LRP1B: variants seen among roughly 807,000 people sequenced by gnomAD.
The protein encoded by LRP1B is low-density lipoprotein receptor-related protein 1B.
A neutral mutation model predicts 556.6 loss-of-function variants in LRP1B; 217 were observed. The observed-to-expected ratio is 0.39, with a 90% CI of 0.35 to 0.44. The LOEUF is 0.44. LRP1B is among the 20% of genes least tolerant of loss of function. The probability of loss-of-function intolerance (pLI) is 1.00; values close to 1 mark genes in which losing one functional copy is unlikely to be tolerated. For synonymous variants in LRP1B, 2,047 were observed against 1,865.8 expected (o/e 1.10, Z -2.50); for missense variants, 5,053 against 5,620.8 (o/e 0.90, Z 3.23).
chr2:140,541,832 T>G lies in LRP1B; in HGVS notation c.7334A>C (p.Asp2445Ala). Reference protein sequence around the residue: ...TGGDTKILRSDIPHQPMGIIA... With the variant: ...TGGDTKILRSAIPHQPMGIIA... Reference sequence around the variant, plus strand: ...GATTCCCATTGGCTGATGTGGAATATCGGAACGAAGAATTTTTGTATCTCC... The same window carrying G: ...GATTCCCATTGGCTGATGTGGAATAGCGGAACGAAGAATTTTTGTATCTCC... The change falls in exon 44 of 91, where the codon GAT (aspartate) becomes GCT (alanine). Residue 2445 changes from aspartate (D) to alanine (A), a missense_variant. By Grantham distance (126) the Asp-to-Ala change is moderately radical (BLOSUM62 -2). Coordinates refer to ENST00000389484, the MANE Select transcript of LRP1B (RefSeq NM_018557.3). 6.2e-7 allele frequency: 1 copy of G among 1,612,772 alleles called. No individual in the cohort carries two copies. The highest frequency in any genetic ancestry group is 8.5e-7 in the Non-Finnish European group (1 of 1,179,126).
intron 3 of LRP1B, among the ~76,000 whole-genome samples, chr2:141,373,012 C>G (rs1689289258): frequency 6.6e-6 from 1 of 152,000 alleles, no homozygotes; most frequent in South Asian, 2.1e-4. Flanking sequence ...TTGCTATAAA[C>G]TTAGCACTAG....
chr2:140,361,090 C>A (rs553714766), intron 72 of LRP1B, among the ~76,000 whole-genome samples: 10 of 150,946 alleles, frequency 6.6e-5, no homozygotes, highest in African/African-American at 2.2e-4. Flanking sequence ...TTTATAGTAA[C>A]CTATAATATG....
intron 4 of LRP1B, among the ~76,000 whole-genome samples, chr2:141,254,144 A>G (rs1216593535): frequency 1.3e-5 from 2 of 152,156 alleles, no homozygotes; most frequent in Non-Finnish European, 2.9e-5. Flanking sequence ...TGCAAAAATT[A>G]TAAAGAACAT....
intron 1 of LRP1B, among the ~76,000 whole-genome samples, chr2:142,124,840 T>C (rs1374687002): frequency 6.6e-6 from 1 of 151,856 alleles, no homozygotes; most frequent in African/African-American, 2.4e-5. Flanking sequence ...TTGTTGTTAT[T>C]GTTTCTTCAT....
chr2:140,632,449 T>A (rs1292852028), intron 41 of LRP1B, among the ~76,000 whole-genome samples: 1 of 152,072 alleles, frequency 6.6e-6, no homozygotes, highest in Non-Finnish European at 1.5e-5. Context: ...TGACCTTAGA[T>A]TAATTGTAAA....
intron 43 of LRP1B, among the ~76,000 whole-genome samples, chr2:140,556,192 C>T (rs1216586557): frequency 2.0e-5 from 3 of 152,068 alleles, no homozygotes; most frequent in African/African-American, 7.2e-5. Flanking sequence ...CTGACCTTCT[C>T]TCTCCTTTCT....
intron 1 of LRP1B, among the ~76,000 whole-genome samples, chr2:141,889,167 A>C (rs779679618): frequency 2.0e-5 from 3 of 152,082 alleles, no homozygotes; most frequent in Non-Finnish European, 4.4e-5. Flanking sequence ...CACTCTACAT[A>C]ATAATGCTTA....
intron 3 of LRP1B, among the ~76,000 whole-genome samples, chr2:141,326,574 A>C (rs1687437952): frequency 6.6e-6 from 1 of 152,160 alleles, no homozygotes; most frequent in African/African-American, 2.4e-5. Context: ...GTGGTTCCCA[A>C]CCGATGAAGA....
intron 2 of LRP1B, among the ~76,000 whole-genome samples, chr2:141,723,353 ATAATT>A (rs973248347): frequency 1.3e-5 from 2 of 149,760 alleles, no homozygotes; most frequent in African/African-American, 4.9e-5. Context: ...AGGCTTTAAT[ATAATT>A]TAATATATAT....
rs373501608 is a variant in LRP1B at position 140,400,604 on chromosome 2, G to A, written c.10415-14595C>T. 2.1e-4 allele frequency among the ~76,000 whole-genome samples: 32 copies of A among 152,252 alleles called. 1 individual carries two copies. The South Asian group carries it at 6.6e-3, about 32-fold the overall frequency. On this transcript the variant is annotated intron_variant, in intron 66 of 90. Coordinates refer to ENST00000389484, the MANE Select transcript of LRP1B (RefSeq NM_018557.3). Reference sequence around the variant, plus strand: ...TTTATTCAACAATCATGCATTGAAGGTGGCAGACTGGAAGCAGTGCTAGCA... The same window carrying A: ...TTTATTCAACAATCATGCATTGAAGATGGCAGACTGGAAGCAGTGCTAGCA...
chr2:141,623,044 C>T lies in LRP1B; in HGVS notation c.206-142511G>A, dbSNP rs115349505. Among the ~76,000 whole-genome samples, 719 of 152,200 alleles carry T rather than the reference C, an allele frequency of 4.7e-3. 9 individuals are homozygous for T. The highest frequency in any genetic ancestry group is 0.017 in the African/African-American group (690 of 41,518). ...GACATCAACTTGTCCTTGAAGACTA[C>T]GGCAAGTCCAGCTGGAATTGGCTAA... is the stretch of plus-strand genomic sequence containing the variant. On this transcript the variant is annotated intron_variant, in intron 2 of 90. Transcript: ENST00000389484.
intron 3 of LRP1B, among the ~76,000 whole-genome samples, chr2:141,265,980 A>G (rs1359864103): frequency 2.0e-5 from 3 of 152,194 alleles, no homozygotes; most frequent in Non-Finnish European, 4.4e-5. Context: ...TCTCACCAAT[A>G]GAACATGAGT....
At chr2:141,526,598 T>C (rs1684700179) in intron 2 of LRP1B, among the ~76,000 whole-genome samples, 1 of 152,016 alleles carries the variant, frequency 6.6e-6, no homozygotes, top group Non-Finnish European at 1.5e-5. Flanking sequence ...CAAGTGACTA[T>C]TATAACCTTA....
chr2:140,498,173 T>C (rs933861546), intron 55 of LRP1B, among the ~76,000 whole-genome samples: 1 of 151,864 alleles, frequency 6.6e-6, no homozygotes, highest in Admixed American at 6.6e-5. Flanking sequence ...AAGTGAGAAT[T>C]ATATGTATTC....
intron 41 of LRP1B, among the ~76,000 whole-genome samples, chr2:140,643,712 T>G (rs1684382143): frequency 2.0e-5 from 3 of 152,154 alleles, no homozygotes; most frequent in Non-Finnish European, 4.4e-5. Flanking sequence ...AAGAAAGTCA[T>G]CAAAATCAAA....
chr2:141,333,052 C>T (rs1233533037), intron 3 of LRP1B, among the ~76,000 whole-genome samples: 1 of 151,964 alleles, frequency 6.6e-6, no homozygotes, highest in African/African-American at 2.4e-5. Flanking sequence ...TCAACAAAAG[C>T]CCACAAATAT....
rs550669243 is a variant in LRP1B at position 141,879,096 on chromosome 2, A to G, written c.83-68695T>C. Reference sequence around the variant, plus strand: ...AGTTCTTTCAATATAATTATGATAAATCAAAATATATTTATTTACATGCAT... The same window carrying G: ...AGTTCTTTCAATATAATTATGATAAGTCAAAATATATTTATTTACATGCAT... On this transcript the variant is annotated intron_variant, in intron 1 of 90. Coordinates refer to ENST00000389484, the MANE Select transcript of LRP1B (RefSeq NM_018557.3). Among the ~76,000 whole-genome samples the G allele has an allele frequency of 2.3e-3, 352 of 152,058 alleles. 2 individuals carry two copies. The highest frequency in any genetic ancestry group is 8.2e-3 in the African/African-American group (342 of 41,536).
chr2:141,183,618 C>T (rs1681108470), intron 7 of LRP1B, among the ~76,000 whole-genome samples: 1 of 151,978 alleles, frequency 6.6e-6, no homozygotes, highest in East Asian at 1.9e-4. Context: ...CAAATAAATC[C>T]TACAGATCAC....
intron 18 of LRP1B, among the ~76,000 whole-genome samples, chr2:140,965,413 G>T (rs1184378704): frequency 6.6e-6 from 1 of 151,620 alleles, no homozygotes; most frequent in African/African-American, 2.4e-5. Flanking sequence ...GAGCAAAATA[G>T]TACAGAAAAT....
Sources: gnomAD v4.1 joint callset for allele counts (sites outside exome capture counted in the v4.1 genomes callset) on GRCh38, gnomAD v4.1.1 for gene constraint, MANE v1.5 for transcripts, NCBI Gene and HGNC (gene_info 2026-07-23, HGNC 2026-07-21) for gene names.